The following TMF1 variants were observed in gnomAD, a reference collection of about 807,000 sequenced individuals.
The protein encoded by TMF1 is TATA element modulatory factor 1.
A neutral mutation model predicts 126.5 loss-of-function variants in TMF1; 71 were observed. The ratio of observed to expected loss-of-function variants is 0.56; its 90% CI spans 0.46 to 0.68. TMF1 has a LOEUF of 0.68. TMF1 is among the 30% of genes least tolerant of loss of function. TMF1 has a pLI of 0.00. For missense variants in TMF1, 1,259 were observed against 1,253.2 expected (o/e 1.00, Z -0.07); for synonymous variants, 461 against 430.5 (o/e 1.07, Z -0.88).
intron 11 of TMF1, 21 bp from the exon 12 acceptor site, chr3:69,028,316 TA>T (rs748582331): frequency 2.6e-6 from 4 of 1,560,928 alleles, no homozygotes; most frequent in East Asian, 4.5e-5. Context: ...AGGCAGAATT[TA>T]AAAAAACAGA....
In TMF1 at chr3:69,026,107, T is replaced by C. The variant is rs1553678717; in HGVS notation, c.2758-10A>G. ...AAAATGGCTTGCGTTCCTTAGGGAG[T>C]AAAAAAAATTCTGTTCATATTAAAG... On this transcript the variant is annotated splice_polypyrimidine_tract_variant and intron_variant, in intron 13 of 16. Coordinates refer to ENST00000398559, the MANE Select transcript of TMF1 (RefSeq NM_007114.3). 19 of 1,590,756 alleles carry C rather than the reference T, an allele frequency of 1.2e-5. No individual in the cohort carries two copies. In the South Asian group the frequency reaches 2.1e-4, roughly 18 times the overall value.
intron 1 of TMF1, 47 bp from the exon 2 acceptor site, chr3:69,048,609 T>A: frequency 7.0e-7 from 1 of 1,425,650 alleles, no homozygotes; most frequent in Non-Finnish European, 9.4e-7. Context: ...ATATGTTACA[T>A]TAATATTTCA....
rs775356915 is a variant in TMF1 at position 69,028,280 on chromosome 3, C to A, written c.2610G>T (p.Leu870Phe). The A allele has an allele frequency of 6.2e-7, 1 of 1,611,340 alleles. No individual in the cohort carries two copies. The highest frequency in any genetic ancestry group is 1.7e-5 in the Admixed American group (1 of 59,988). Residue 870 changes from leucine (L) to phenylalanine (F), a missense_variant, in exon 12 of 17, where the codon TTG (leucine) becomes TTT (phenylalanine). Physicochemically the swap from Leu to Phe is conservative, Grantham distance 22. Transcript: ENST00000398559. Reference protein sequence around the residue: ...EDENNRYQVELENLKDEYVRT... With the variant: ...EDENNRYQVEFENLKDEYVRT... Reference sequence around the variant, plus strand: ...TTACATATTCATCTTTTAGGTTTTCCAATTCAACCTGGTACCTATTAAACA... The same window carrying A: ...TTACATATTCATCTTTTAGGTTTTCAAATTCAACCTGGTACCTATTAAACA...
intron 12 of TMF1, 102 bp downstream of exon 12, chr3:69,028,124 G>C: frequency 8.5e-7 from 1 of 1,170,678 alleles, no homozygotes; most frequent in South Asian, 1.3e-5. Context: ...TCCAAAAGCA[G>C]TGGCATCACC....
chr3:69,033,702 T>A lies in TMF1; in HGVS notation c.2247A>T (p.Arg749Ser). The A allele has an allele frequency of 2.5e-6, 4 of 1,600,850 alleles. No individual in the cohort carries two copies. The South Asian group carries it at 4.5e-5, about 18-fold the overall frequency. The change falls in exon 10 of 17, where the codon AGA (arginine) becomes AGT (serine). Residue 749 changes from arginine (R) to serine (S), a missense_variant and splice_region_variant. Arg to Ser is a moderately radical substitution (Grantham distance 110). Coordinates refer to ENST00000398559, the MANE Select transcript of TMF1 (RefSeq NM_007114.3). ...GGTTTCGATTCTCTGCTTCCTGGAG[T>A]CTCTGAATCATGAAATTCTGAAGTC... ...LRHEIGELQQ[R>S]LQEAENRNQE...
At chr3:69,037,165 C>G (rs1189248907) in intron 8 of TMF1, among the ~76,000 whole-genome samples, 1 of 152,096 alleles carries the variant, frequency 6.6e-6, no homozygotes, top group Non-Finnish European at 1.5e-5. Context: ...GGCCAATAAG[C>G]AAATGAAAAG....
chr3:69,034,324 T>C (rs993695495), intron 9 of TMF1, among the ~76,000 whole-genome samples: 9 of 151,922 alleles, frequency 5.9e-5, no homozygotes. Flanking sequence ...AATACAAAAA[T>C]TAGCTGGGCA....
rs754534849 is a variant in TMF1, at chr3:69,043,808, A to G, written c.1520T>C (p.Ile507Thr). 6.2e-7 allele frequency: 1 copy of G among 1,612,554 alleles called. No individual in the cohort carries two copies. Among genetic ancestry groups the G allele is most frequent in the South Asian group, 1.1e-5 (1 of 90,718 alleles). Residue 507 changes from isoleucine (I) to threonine (T), a missense_variant, in exon 4 of 17, where the codon ATT (isoleucine) becomes ACT (threonine). By Grantham distance (89) the Ile-to-Thr change is moderately conservative. Transcript: ENST00000398559. Reference protein sequence around the residue: ...SSLKDEFTQRIAEAEKKVQLA... With the variant: ...SSLKDEFTQRTAEAEKKVQLA... ...TTGAACTTTCTTTTCTGCTTCTGCA[A>G]TTCTTTGAGTAAACTCATCTTTCAA...
chr3:69,025,976 TATAAAAA>T lies in TMF1; in HGVS notation c.2859+13_2859+19del, dbSNP rs1277797037. 1.9e-6 allele frequency: 3 copies of T among 1,555,708 alleles called. No homozygotes were observed. Among genetic ancestry groups the T allele is most frequent in the Non-Finnish European group, 2.6e-6 (3 of 1,132,366 alleles). On this transcript the variant is annotated intron_variant, in intron 14 of 16. Transcript: ENST00000398559. ...ATTATTATTCTAAGAACTAAGCACA[TATAAAAA>T]ATAAAACATCACCTGAGACAGAAAA...
Position 69,048,105 on chromosome 3 carries a change from T to C in TMF1, c.600A>G (p.Val200=). 1.2e-6 allele frequency: 2 copies of C among 1,614,240 alleles called. No individual in the cohort carries two copies. The highest frequency in any genetic ancestry group is 1.1e-5 in the South Asian group (1 of 91,086). Reference sequence around the variant, plus strand: ...TTTCCATAGTTGTTTTCACATCAATTACACTTTCAGATACTTTCAAACTTA... The same window carrying C: ...TTTCCATAGTTGTTTTCACATCAATCACACTTTCAGATACTTTCAAACTTA... ...PTVSLKVSES[V]IDVKTTMESI... is the part of the protein sequence containing the mutation. Residue 200 remains valine (V), a synonymous_variant, in exon 2 of 17, where the codon GTA becomes GTG. Coordinates refer to ENST00000398559, the MANE Select transcript of TMF1 (RefSeq NM_007114.3).
At chr3:69,037,361 C>G (rs376962471) in intron 8 of TMF1, among the ~76,000 whole-genome samples, 1 of 152,066 alleles carries the variant, frequency 6.6e-6, no homozygotes, top group Non-Finnish European at 1.5e-5. Context: ...GCAGGGTGGC[C>G]GGGCATGGTG....
At chr3:69,024,990 T>C (rs184595794) in intron 15 of TMF1, 1 of 152,280 alleles carries the variant, frequency 6.6e-6, no homozygotes, top group Admixed American at 6.5e-5. Flanking sequence ...CTGTAAAACA[T>C]TTCAATATTT....
At position 69,052,063 on chromosome 3, in the gene TMF1, C is replaced by A. The variant is rs1250564257; in HGVS notation, c.24G>T (p.Gln8His). 1.2e-6 allele frequency: 2 copies of A among 1,612,698 alleles called. No individual in the cohort carries two copies. The highest frequency in any genetic ancestry group is 2.2e-5 in the East Asian group (1 of 44,772). MSWFNAS[Q>H]LSSFAKQALS... ...GGGCCTGCTTAGCGAAGCTGGAGAG[C>A]TGGGAGGCGTTGAACCAACTCATCG... Residue 8 changes from glutamine to histidine, a missense_variant, in exon 1 of 17, where the codon CAG becomes CAT. By Grantham distance (24) the Gln-to-His change is conservative. Transcript: ENST00000398559.
At chr3:69,036,206 A>G (rs980470973) in intron 8 of TMF1, among the ~76,000 whole-genome samples, 9 of 152,152 alleles carry the variant, frequency 5.9e-5, no homozygotes, top group Non-Finnish European at 1.3e-4. Flanking sequence ...TACTAAGTAA[A>G]TAAAACAAGT....
intron 11 of TMF1, among the ~76,000 whole-genome samples, chr3:69,029,481 G>C (rs1384320534): frequency 1.4e-4 from 21 of 148,342 alleles, no homozygotes; most frequent in Admixed American, 4.7e-4. Context: ...GTCTCACTCT[G>C]TCACCCAGGC....
intron 14 of TMF1, 98 bp downstream of exon 14, chr3:69,025,898 T>C: frequency 8.5e-7 from 1 of 1,173,320 alleles, no homozygotes; most frequent in Non-Finnish European, 1.2e-6. Context: ...GAATTACCCA[T>C]AGAATGGCAA....
chr3:69,044,591 ACTGT>A lies in TMF1; in HGVS notation c.1348_1351del (p.Thr450LeufsTer4). ...TTCCAGCTTTTCATTCAGAAATTCA[ACTGT>A]CTGGATAAGGCGAATACATAAAAGT... On this transcript the variant is annotated frameshift_variant and splice_region_variant, in exon 3 of 17. Transcript: ENST00000398559. LOFTEE classifies it high-confidence loss of function. 6.2e-7 allele frequency: 1 copy of A among 1,604,360 alleles called. No homozygotes were observed. The highest frequency in any genetic ancestry group is 8.5e-7 in the Non-Finnish European group (1 of 1,175,662).
At position 69,034,914 on chromosome 3, in the gene TMF1, G is replaced by A. The variant is rs2091824024; in HGVS notation, c.2244+109C>T. On this transcript the variant is annotated intron_variant, in intron 9 of 16. Coordinates refer to ENST00000398559, the MANE Select transcript of TMF1 (RefSeq NM_007114.3). ...CACAAAAATTCAGCAAATGCTAGGTGTGACAGTAATCCTCTCAATTCCATG... is the reference window on the plus strand; with the variant it reads ...CACAAAAATTCAGCAAATGCTAGGTATGACAGTAATCCTCTCAATTCCATG... 9.1e-6 allele frequency: 9 copies of A among 990,682 alleles called. No individual in the cohort carries two copies. In the Admixed American group the frequency reaches 1.2e-4, roughly 13 times the overall value. The allele number at this position is 990,682 out of a possible 1,614,324, so 61.4% of individuals were successfully genotyped here.
At position 69,038,629 on chromosome 3, in the gene TMF1, GTTC is replaced by G. The variant is rs2091845942; in HGVS notation, c.2083_2085del (p.Glu695del). ...TGGGCCTTCTCTAATGCTGCAGAAA[GTTC>G]TTCTTTAGCTTTCATTTCACGGCTC... On this transcript the variant is annotated inframe_deletion, in exon 8 of 17. Coordinates refer to ENST00000398559, the MANE Select transcript of TMF1 (RefSeq NM_007114.3). 6.2e-7 allele frequency: 1 copy of G among 1,614,158 alleles called. No individual in the cohort carries two copies. Among genetic ancestry groups the G allele is most frequent in the Non-Finnish European group, 8.5e-7 (1 of 1,180,004 alleles).
Sources: gnomAD v4.1 joint callset for allele counts (sites outside exome capture counted in the v4.1 genomes callset) on GRCh38, gnomAD v4.1.1 for gene constraint, MANE v1.5 for transcripts, NCBI Gene and HGNC (gene_info 2026-07-23, HGNC 2026-07-21) for gene names.